Variants in POTEJ observed in about 807,000 individuals in gnomAD.
POTEJ encodes the protein POTE ankyrin domain family member J, also known as POTE ankyrin domain family, member J.
POTEJ carries 11 observed loss-of-function variants against 69.0 expected under a neutral mutation model. The observed-to-expected ratio is 0.16, with a 90% confidence interval of 0.10 to 0.26. The LOEUF is 0.26. Among genes scored for constraint, POTEJ ranks in the 10% least tolerant of loss-of-function variants. POTEJ has a pLI of 1.00. For missense variants in POTEJ, 327 were observed against 1,045.5 expected (o/e 0.31, Z 9.48); for synonymous variants, 117 against 381.1 (o/e 0.31, Z 8.07).
intron 9 of POTEJ, among the ~76,000 whole-genome samples, 166 bp downstream of exon 9, chr2:130,632,822 C>G (rs185697626): frequency 1.4e-5 from 2 of 143,622 alleles, no homozygotes; most frequent in East Asian, 3.9e-4. Flanking sequence ...ACCATTTTTC[C>G]AGTCATTAAT....
At chr2:130,642,013 G>T (rs1357003327) in intron 10 of POTEJ, among the ~76,000 whole-genome samples, 3 of 151,620 alleles carry the variant, frequency 2.0e-5, no homozygotes, top group Non-Finnish European at 4.4e-5. Context: ...TGCCAGAAAA[G>T]AAAGAGCAAG....
intron 1 of POTEJ, among the ~76,000 whole-genome samples, chr2:130,615,717 C>T (rs1685388708): frequency 6.7e-6 from 1 of 149,070 alleles, no homozygotes; most frequent in Admixed American, 6.6e-5. Flanking sequence ...TGCACATTTA[C>T]CTATGTAACA....
intron 3 of POTEJ, among the ~76,000 whole-genome samples, chr2:130,619,058 T>C (rs1685463996): frequency 6.6e-6 from 1 of 151,872 alleles, no homozygotes. Flanking sequence ...TGAGCCACCA[T>C]TCCTGACCTA....
chr2:130,612,845 G>T (rs1170291266), intron 1 of POTEJ, among the ~76,000 whole-genome samples: 5 of 140,970 alleles, frequency 3.5e-5, no homozygotes, highest in Non-Finnish European at 7.7e-5. Flanking sequence ...CAAAGTTTTA[G>T]CGTTTTTAAA....
chr2:130,656,479 T>G, intron 14 of POTEJ, 70 bp from the exon 15 acceptor site: 1 of 1,540,450 alleles, frequency 6.5e-7, no homozygotes, highest in Non-Finnish European at 8.8e-7. Context: ...ATGTTATTTT[T>G]GAATTTCAAA....
intron 10 of POTEJ, among the ~76,000 whole-genome samples, chr2:130,639,592 G>C (rs1487238721): frequency 6.6e-6 from 1 of 152,240 alleles, no homozygotes; most frequent in Non-Finnish European, 1.5e-5. Context: ...AAAAATGCTA[G>C]TATGCTACCT....
intron 9 of POTEJ, among the ~76,000 whole-genome samples, chr2:130,637,807 G>GT (rs1686166013): frequency 6.6e-6 from 1 of 151,448 alleles, no homozygotes; most frequent in African/African-American, 2.4e-5. Flanking sequence ...AAGCATCATC[G>GT]TAACAAACAT....
chr2:130,637,316 T>G, intron 9 of POTEJ, among the ~76,000 whole-genome samples: 1 of 18,346 alleles, frequency 5.5e-5, no homozygotes, highest in South Asian at 3.4e-3. Context: ...TATTTTATTT[T>G]ATTTTATTTT....
intron 14 of POTEJ, among the ~76,000 whole-genome samples, chr2:130,656,335 A>G (rs1196953392): frequency 6.8e-6 from 1 of 146,304 alleles, no homozygotes; most frequent in Non-Finnish European, 1.5e-5. Flanking sequence ...AGATTCCTAA[A>G]AGTTTAAATA....
At position 130,613,344 on chromosome 2, in the gene POTEJ, ATG is replaced by A. The variant is rs201015025; in HGVS notation, c.410+1410_410+1411del. 2.6e-4 allele frequency among the ~76,000 whole-genome samples: 34 copies of A among 130,896 alleles called. No individual in the cohort carries two copies. The East Asian group carries it at 3.5e-3, about 14-fold the overall frequency. The allele number at this position is 130,896 out of a possible 152,430, so 85.9% of individuals were successfully genotyped here. ...TATACATATGTATATATACATATAT[ATG>A]TGTGTGTATATATATACATATATAT... On this transcript the variant is annotated intron_variant, in intron 1 of 14. Transcript: ENST00000409602.
intron 9 of POTEJ, among the ~76,000 whole-genome samples, chr2:130,637,152 A>G (rs1267574765): frequency 2.0e-5 from 3 of 150,902 alleles, no homozygotes; most frequent in African/African-American, 7.3e-5. Flanking sequence ...CATTTTTAAA[A>G]TCGTTTTGGC....
At chr2:130,615,747 T>C (rs1472019667) in intron 1 of POTEJ, among the ~76,000 whole-genome samples, 3,554 of 146,848 alleles carry the variant, frequency 0.024, 215 homozygotes, top group African/African-American at 0.089. Flanking sequence ...ATCCGGCACA[T>C]GTATCCCTGA....
chr2:130,643,216 G>C lies in POTEJ; in HGVS notation c.1370-767G>C, dbSNP rs554065844. Among the ~76,000 whole-genome samples the C allele has an allele frequency of 1.2e-4, 17 of 145,266 alleles. 1 individual carries two copies. Among genetic ancestry groups the C allele is most frequent in the African/African-American group, 3.8e-4 (15 of 39,272 alleles). On this transcript the variant is annotated intron_variant, in intron 10 of 14. Transcript: ENST00000409602. ...GGGAAAGACATGCAGAATGAAGGAA[G>C]ACTTCACATAGCATTGTTTCAAAAG... is the stretch of plus-strand genomic sequence containing the variant.
intron 9 of POTEJ, among the ~76,000 whole-genome samples, chr2:130,634,850 T>C (rs1686032058): frequency 1.3e-5 from 2 of 151,782 alleles, no homozygotes; most frequent in African/African-American, 4.9e-5. Flanking sequence ...TCACTCTTAA[T>C]CTCACACCGG....
At chr2:130,636,328 G>A (rs1686089619) in intron 9 of POTEJ, among the ~76,000 whole-genome samples, 1 of 151,990 alleles carries the variant, frequency 6.6e-6, no homozygotes. Flanking sequence ...TACAAGGAAT[G>A]CTCTCTAAGG....
intron 1 of POTEJ, among the ~76,000 whole-genome samples, chr2:130,614,121 C>T (rs1313025910): frequency 7.0e-5 from 8 of 114,006 alleles, no homozygotes; most frequent in Non-Finnish European, 1.2e-4. Context: ...CGCGCCACTA[C>T]ATTCCAGCCT....
intron 11 of POTEJ, among the ~76,000 whole-genome samples, 163 bp from the exon 12 acceptor site, chr2:130,645,574 T>C (rs552339251): frequency 4.3e-4 from 62 of 145,626 alleles, no homozygotes; most frequent in African/African-American, 1.1e-3. Flanking sequence ...TAATTTTAAT[T>C]ATTATTTATT....
At chr2:130,618,592 A>G (rs1342062212) in intron 3 of POTEJ, among the ~76,000 whole-genome samples, 3 of 146,184 alleles carry the variant, frequency 2.1e-5, no homozygotes, top group Admixed American at 6.7e-5. Context: ...CAACAACAAC[A>G]ACAACGACGA....
At chr2:130,637,685 T>C (rs1310394414) in intron 9 of POTEJ, among the ~76,000 whole-genome samples, 1 of 152,280 alleles carries the variant, frequency 6.6e-6, no homozygotes, top group Non-Finnish European at 1.5e-5. Flanking sequence ...ATTGTTAGTA[T>C]GTATGTTAAA....
Sources: allele counts gnomAD v4.1 joint callset (sites outside exome capture counted in the v4.1 genomes callset), GRCh38; gene constraint gnomAD v4.1.1; transcripts MANE v1.5; gene names NCBI Gene and HGNC (gene_info 2026-07-23, HGNC 2026-07-21).